Variants in KCNT1 observed in about 807,000 individuals in gnomAD.
The protein encoded by KCNT1 is potassium channel subfamily T member 1.
In KCNT1, 78 loss-of-function variants were observed where a neutral mutation model predicts 147.8. The ratio of observed to expected loss-of-function variants is 0.53; its 90% CI spans 0.44 to 0.64. The LOEUF is 0.64. Ranked by LOEUF, KCNT1 falls within the 30% of genes least tolerant of loss-of-function variation. The pLI is 0.00. For synonymous variants in KCNT1, 867 were observed against 748.8 expected, an observed-to-expected ratio of 1.16 and a Z score of -2.58; for missense variants, 1,419 against 1,750.3, an observed-to-expected ratio of 0.81 and a Z score of 3.38.
rs1564390954 is a variant in KCNT1 at position 135,784,602 on chromosome 9, C to T, written c.3011C>T (p.Ser1004Leu). 1.9e-6 allele frequency: 3 copies of T among 1,607,950 alleles called. No homozygotes were observed. The highest frequency in any genetic ancestry group is 1.3e-5 in the African/African-American group (1 of 74,418). The stretch of plus-strand genomic sequence containing the variant: ...CTGGGCCTGGACACCACGCCGGGCT[C>T]GGGGTACCTCTGTGCCGTAAGTGCC... ...LLLGLDTTPG[S>L]GYLCAMKITE... The change falls in exon 26 of 31, where the codon TCG (serine) becomes TTG (leucine). Residue 1004 changes from serine to leucine, a missense_variant. By Grantham distance (145) the Ser-to-Leu change is moderately radical (BLOSUM62 -2). Around this residue, in one of 5 missense-constraint regions of KCNT1, gnomAD observed 247 missense variants for 397.1 expected, o/e 0.62. Coordinates refer to ENST00000371757, the MANE Select transcript of KCNT1 (RefSeq NM_020822.3).
At position 135,771,729 on chromosome 9, in the gene KCNT1, G is replaced by A. The variant is rs1485381269; in HGVS notation, c.2008+634G>A. On this transcript the variant is annotated intron_variant, in intron 18 of 30. Transcript: ENST00000371757. The stretch of plus-strand genomic sequence containing the variant: ...GTCAGGCTGCCTCTGAGCAGGTGGA[G>A]GCCCATGGCCCCTAGGGCACCACCC... Among the ~76,000 whole-genome samples, 8 of 152,278 alleles carry A rather than the reference G, an allele frequency of 5.3e-5. No homozygotes were observed. The South Asian group carries it at 1.2e-3, about 24-fold the overall frequency.
rs979245139 is a variant in KCNT1, at chr9:135,752,515, AGGGCC to A, written c.435-1421_435-1417del. On this transcript the variant is annotated intron_variant, in intron 4 of 30. Coordinates refer to ENST00000371757, the MANE Select transcript of KCNT1 (RefSeq NM_020822.3). This position sits in a 1 kb window ranked among gnomAD's most constrained non-coding sequence, Gnocchi z 5.1. ...GGGGCTTCTGGTTTCACATCCCCACAGGGCCCAAGTCTGTTGTGTTCACTGCCCGT... is the reference window on the plus strand; with the variant it reads ...GGGGCTTCTGGTTTCACATCCCCACACAAGTCTGTTGTGTTCACTGCCCGT... 4.0e-5 allele frequency: 18 copies of A among 449,750 alleles called. No individual in the cohort carries two copies. The highest frequency in any genetic ancestry group is 3.6e-4 in the African/African-American group (18 of 49,548). 27.9% of individuals were successfully genotyped at this position (449,750 alleles called of 1,614,324 possible). A position where few individuals can be genotyped will look rare whatever the true frequency, so the allele number is the denominator to read the frequency against.
intron 2 of KCNT1, among the ~76,000 whole-genome samples, chr9:135,728,671 G>A (rs1442390031): frequency 6.6e-6 from 1 of 152,244 alleles, no homozygotes; most frequent in African/African-American, 2.4e-5. Flanking sequence ...AAGGGGAGAG[G>A]GCCGGGCAGG....
At chr9:135,755,649 G>A (rs11103166) in intron 6 of KCNT1, among the ~76,000 whole-genome samples, 9,641 of 150,660 alleles carry the variant, frequency 0.064, 570 homozygotes, top group East Asian at 0.31. Flanking sequence ...AGTAAGCAGG[G>A]AAACCAGGCT....
At chr9:135,784,476 A>C (rs1833858538) in intron 25 of KCNT1, 59 bp from the exon 26 acceptor site, 15 of 973,482 alleles carry the variant, frequency 1.5e-5, no homozygotes, top group Middle Eastern at 3.1e-4. Context: ...CGCGTGCCTC[A>C]CTGTGGCTCC....
chr9:135,764,985 G>T (rs747910552), intron 11 of KCNT1, 46 bp from the exon 12 acceptor site: 2 of 1,565,490 alleles, frequency 1.3e-6, no homozygotes, highest in Admixed American at 3.6e-5. Context: ...GGGAGCCCTC[G>T]CTCCCCAGGC....
At chr9:135,779,002 C>G (rs1275609439) in intron 23 of KCNT1, among the ~76,000 whole-genome samples, 180 bp downstream of exon 23, 1 of 142,138 alleles carries the variant, frequency 7.0e-6, no homozygotes, top group Non-Finnish European at 1.5e-5. Context: ...CCCTGAGACC[C>G]CCACAGCTAT....
chr9:135,732,750 A>ATCTCTCTCTC (rs71505362), intron 2 of KCNT1, among the ~76,000 whole-genome samples: 15 of 147,762 alleles, frequency 1.0e-4, no homozygotes, highest in East Asian at 4.0e-4. Context: ...AGTCCAACCT[A>ATCTCTCTCTC]TCTCTCTCTC....
intron 1 of KCNT1, among the ~76,000 whole-genome samples, chr9:135,708,518 C>G (rs1835348748): frequency 6.6e-6 from 1 of 152,202 alleles, no homozygotes; most frequent in Non-Finnish European, 1.5e-5. Context: ...GGAGAGAAAC[C>G]TCATTCCCTT....
At chr9:135,760,828 G>A (rs936032266) in intron 11 of KCNT1, among the ~76,000 whole-genome samples, 4 of 152,138 alleles carry the variant, frequency 2.6e-5, no homozygotes, top group African/African-American at 4.8e-5. Flanking sequence ...TCTGGTTGTC[G>A]GCCACTCCAC....
At chr9:135,771,279 C>T (rs924637835) in intron 18 of KCNT1, 184 bp downstream of exon 18, 15 of 625,060 alleles carry the variant, frequency 2.4e-5, no homozygotes, top group African/African-American at 1.3e-4. Flanking sequence ...CCAGGCAGGG[C>T]GGGAGACCAG....
At chr9:135,742,915 T>G (rs1830639220) in intron 2 of KCNT1, 2 of 687,396 alleles carry the variant, frequency 2.9e-6, no homozygotes, top group Non-Finnish European at 5.4e-6. Context: ...CAGCATCCCC[T>G]GCAGCTGGGC....
At chr9:135,727,437 CCTCT>C (rs140325657) in intron 2 of KCNT1, among the ~76,000 whole-genome samples, 15 of 136,248 alleles carry the variant, frequency 1.1e-4, no homozygotes, top group East Asian at 8.8e-4. Context: ...CCCCCCTCTC[CCTCT>C]CTCTCTCTCT....
intron 11 of KCNT1, among the ~76,000 whole-genome samples, chr9:135,762,408 G>A (rs753244531): frequency 9.2e-5 from 14 of 151,772 alleles, no homozygotes; most frequent in African/African-American, 2.9e-4. Flanking sequence ...TCTCGCCATC[G>A]CACTCTAGCC....
Position 135,791,834 on chromosome 9 carries a change from C to T in KCNT1, c.3540C>T (p.Val1180=), listed in dbSNP as rs185469582. 1.9e-6 allele frequency: 3 copies of T among 1,613,978 alleles called. No homozygotes were observed. The highest frequency in any genetic ancestry group is 3.3e-5 in the Admixed American group (2 of 60,006). Reference sequence around the variant, plus strand: ...ACCACCAGAACACCCTCTCCTACGTCCTCATCAACCCTCCGCCCGACACGA... The same window carrying T: ...ACCACCAGAACACCCTCTCCTACGTTCTCATCAACCCTCCGCCCGACACGA... ...MNDHQNTLSY[V]LINPPPDTRL... is the part of the protein sequence containing the mutation. Residue 1180 remains valine (V), a synonymous_variant, in exon 30 of 31, where the codon GTC becomes GTT. Transcript: ENST00000371757.
chr9:135,715,850 T>C lies in KCNT1; in HGVS notation c.254+1130T>C, dbSNP rs145983155. On this transcript the variant is annotated intron_variant, in intron 2 of 30. Transcript: ENST00000371757. ...AGACCTCCCATAACATTTGGTTGTG[T>C]GAACCAAGAGTCAGGAGTGGGGACT... 5.7e-3 allele frequency among the ~76,000 whole-genome samples: 875 copies of C among 152,300 alleles called. 8 individuals are homozygous for C. The highest frequency in any genetic ancestry group is 0.019 in the African/African-American group (808 of 41,568).
chr9:135,770,133 G>A (rs1010163235), intron 16 of KCNT1, 78 bp downstream of exon 16: 2 of 1,408,106 alleles, frequency 1.4e-6, no homozygotes, highest in Non-Finnish European at 1.9e-6. Flanking sequence ...CTGCTTGGGG[G>A]CGGGGATGGG....
intron 11 of KCNT1, among the ~76,000 whole-genome samples, chr9:135,761,454 C>T (rs1831907293): frequency 6.6e-6 from 1 of 152,222 alleles, no homozygotes; most frequent in Non-Finnish European, 1.5e-5. Flanking sequence ...GTGGGGGGCA[C>T]TCCGTGCAGT....
chr9:135,771,934 T>C (rs1365696868), intron 18 of KCNT1, among the ~76,000 whole-genome samples: 3 of 152,076 alleles, frequency 2.0e-5, no homozygotes, highest in Non-Finnish European at 4.4e-5. Context: ...CCCTGGGGTG[T>C]TGTTACACGG....
Sources: gnomAD v4.1 joint callset for allele counts (sites outside exome capture counted in the v4.1 genomes callset) on GRCh38, gnomAD v4.1.1 for gene constraint, gnomAD v4.1.1 regional missense constraint, Gnocchi (gnomAD v3.1) non-coding constraint, MANE v1.5 for transcripts, NCBI Gene and HGNC (gene_info 2026-07-23, HGNC 2026-07-21) for gene names.